PP2D1: variants seen among roughly 807,000 people sequenced by gnomAD.
PP2D1 encodes protein phosphatase 2C-like domain-containing protein 1.
A neutral mutation model predicts 30.2 loss-of-function variants in PP2D1; 25 were observed. The ratio of observed to expected loss-of-function variants is 0.83; its 90% CI spans 0.60 to 1.16. The LOEUF (loss-of-function observed/expected upper bound fraction) is 1.16, where lower values mean the gene tolerates loss of function less well. Among genes scored for constraint, PP2D1 ranks in the 50% most tolerant of loss-of-function variants. The pLI, the probability that PP2D1 is intolerant of heterozygous loss-of-function variation, is 0.00. For synonymous variants in PP2D1, 260 were observed against 258.9 expected (o/e 1.00, Z -0.04); for missense variants, 760 against 742.4 (o/e 1.02, Z -0.28).
intron 2 of PP2D1, among the ~76,000 whole-genome samples, chr3:19,993,665 G>A (rs1169451658): frequency 2.0e-5 from 3 of 151,962 alleles, no homozygotes; most frequent in Non-Finnish European, 2.9e-5. Flanking sequence ...CCCTGAATCC[G>A]GGAGGTGGAG....
intron 2 of PP2D1, among the ~76,000 whole-genome samples, chr3:19,994,796 A>T (rs1230305991): frequency 6.6e-6 from 1 of 152,172 alleles, no homozygotes; most frequent in Non-Finnish European, 1.5e-5. Context: ...AGTATTCCAG[A>T]TATCTTTCGA....
chr3:19,981,595 C>T (rs1399185898), downstream of PP2D1, among the ~76,000 whole-genome samples: 2 of 149,492 alleles, frequency 1.3e-5, no homozygotes, highest in African/African-American at 2.5e-5. Context: ...GCCTGGGTGA[C>T]AGAGCGAGAC....
downstream of PP2D1, among the ~76,000 whole-genome samples, chr3:19,980,612 T>A (rs1352566665): frequency 1.3e-5 from 2 of 152,192 alleles, no homozygotes; most frequent in Non-Finnish European, 2.9e-5. Context: ...ATTTAAACAC[T>A]TAGGGAACAT....
At position 19,985,940 on chromosome 3, in the gene PP2D1, C is replaced by A; in HGVS notation, c.1333G>T (p.Asp445Tyr). 6.5e-7 allele frequency: 1 copy of A among 1,536,280 alleles called. No individual in the cohort carries two copies. The highest frequency in any genetic ancestry group is 8.7e-7 in the Non-Finnish European group (1 of 1,146,914). ...APQTISVPID[D>Y]LCQFLIVATN... ...GCTACAATAAGGAATTGACATAGGT[C>A]ATCTATAGGGACAGAAATAGTTTGA... Residue 445 changes from aspartate (D) to tyrosine (Y), a missense_variant, in exon 3 of 3, where the codon GAC (aspartate) becomes TAC (tyrosine). Transcript: ENST00000389050.
chr3:19,986,285 CAG>C, intron 2 of PP2D1, 103 bp from the exon 3 acceptor site: 1 of 793,610 alleles, frequency 1.3e-6, no homozygotes, highest in Admixed American at 3.3e-5. Context: ...CAATGCTAAA[CAG>C]AAAGCAGGCT....
intron 2 of PP2D1, among the ~76,000 whole-genome samples, chr3:19,991,204 A>G (rs1407608659): frequency 2.0e-5 from 3 of 152,186 alleles, no homozygotes; most frequent in Non-Finnish European, 2.9e-5. Flanking sequence ...GCCTTTTTAA[A>G]GTGGCATAGT....
intron 2 of PP2D1, among the ~76,000 whole-genome samples, chr3:19,999,135 A>C (rs1697219445): frequency 6.9e-6 from 1 of 144,836 alleles, no homozygotes; most frequent in African/African-American, 2.6e-5. Context: ...GCTGGAGTGC[A>C]GTGGCATGAT....
At chr3:19,988,028 G>T (rs1014226755) in intron 2 of PP2D1, among the ~76,000 whole-genome samples, 2 of 152,030 alleles carry the variant, frequency 1.3e-5, no homozygotes, top group African/African-American at 4.8e-5. Context: ...TCGTAAGCTG[G>T]GGTTGTATGT....
At chr3:20,000,888 TTG>T (rs1229688709) in intron 2 of PP2D1, 140 bp downstream of exon 2, 4 of 420,706 alleles carry the variant, frequency 9.5e-6, no homozygotes, top group African/African-American at 2.0e-5. Flanking sequence ...TGGTTATTTG[TTG>T]TTTCTTATAT....
downstream of PP2D1, among the ~76,000 whole-genome samples, chr3:19,982,763 TA>T (rs62910362): frequency 0.22 from 30,777 of 139,482 alleles, 3,671 homozygotes; most frequent in African/African-American, 0.36. Context: ...CCTTGTCTCT[TA>T]AAAAAAAAAA....
At chr3:19,984,030 G>GA (rs1430551516), downstream of PP2D1, 1 of 510,114 alleles carries the variant, frequency 2.0e-6, no homozygotes, top group Non-Finnish European at 3.6e-6. Flanking sequence ...CAACAATAGG[G>GA]AAAAATGAGA....
At chr3:19,999,186 TCTC>T (rs36049372) in intron 2 of PP2D1, among the ~76,000 whole-genome samples, 31,878 of 150,124 alleles carry the variant, frequency 0.21, 3,718 homozygotes, top group South Asian at 0.32. Context: ...TTCACACCAT[TCTC>T]CTGCCACAGC....
intron 2 of PP2D1, among the ~76,000 whole-genome samples, chr3:19,988,934 C>T (rs756904125): frequency 4.6e-5 from 7 of 151,704 alleles, no homozygotes; most frequent in East Asian, 1.9e-4. Flanking sequence ...TGCAGTAATA[C>T]GAAGTCACGC....
At chr3:19,996,966 C>T (rs1445608935) in intron 2 of PP2D1, 5 of 150,650 alleles carry the variant, frequency 3.3e-5, no homozygotes, top group African/African-American at 1.2e-4. Flanking sequence ...GGAGAAATAC[C>T]ATATGATAAC....
intron 2 of PP2D1, 176 bp downstream of exon 2, chr3:20,000,854 T>C (rs545220888): frequency 5.1e-6 from 2 of 395,488 alleles, no homozygotes; most frequent in South Asian, 2.8e-4. Flanking sequence ...ATTATTTTTG[T>C]GCCTGCAATC....
chr3:20,001,826 T>G lies in PP2D1; in HGVS notation c.294A>C (p.Arg98Ser). The change falls in exon 2 of 3, where the codon AGA becomes AGC. Residue 98 changes from arginine (R) to serine (S), a missense_variant. Coordinates refer to ENST00000389050, the MANE Select transcript of PP2D1 (RefSeq NM_001252657.2). ...LATLGFQWMG[R>S]KKPQPSVIAV... Reference sequence around the variant, plus strand: ...CAATCACTGAGGGCTGTGGTTTCTTTCTACCCATCCATTGGAAACCCAGCG... The same window carrying G: ...CAATCACTGAGGGCTGTGGTTTCTTGCTACCCATCCATTGGAAACCCAGCG... 3 of 1,535,468 alleles carry G rather than the reference T, an allele frequency of 2.0e-6. No homozygotes were observed. Among genetic ancestry groups the G allele is most frequent in the Non-Finnish European group, 2.6e-6 (3 of 1,146,656 alleles).
At chr3:19,996,828 G>A (rs1457908480) in intron 2 of PP2D1, 1 of 152,040 alleles carries the variant, frequency 6.6e-6, no homozygotes, top group East Asian at 1.9e-4. Context: ...CAGTATCATA[G>A]CCAGTGAGGT....
At chr3:19,986,832 C>T (rs755029377) in intron 2 of PP2D1, among the ~76,000 whole-genome samples, 4 of 151,982 alleles carry the variant, frequency 2.6e-5, no homozygotes, top group Non-Finnish European at 4.4e-5. Flanking sequence ...GTCAGGCGTT[C>T]GAGACCAGCC....
chr3:19,985,513 T>G lies in PP2D1; in HGVS notation c.1760A>C (p.Lys587Thr), dbSNP rs964196469. The change falls in exon 3 of 3, where the codon AAG becomes ACG. Residue 587 changes from lysine (K) to threonine (T), a missense_variant. Lys to Thr is a moderately conservative substitution (Grantham distance 78). Transcript: ENST00000389050. ...VATNEKESDTKSFYEGAAEYV... is the reference protein window; with the variant it reads ...VATNEKESDTTSFYEGAAEYV... Reference sequence around the variant, plus strand: ...CTCAGCTGCGCCTTCATAGAAACTCTTAGTGTCTGATTCTTTTTCATTTGT... The same window carrying G: ...CTCAGCTGCGCCTTCATAGAAACTCGTAGTGTCTGATTCTTTTTCATTTGT... The G allele has an allele frequency of 2.0e-6, 3 of 1,535,994 alleles. No homozygotes were observed. The highest frequency in any genetic ancestry group is 2.6e-6 in the Non-Finnish European group (3 of 1,146,864).
Sources: allele counts gnomAD v4.1 joint callset (sites outside exome capture counted in the v4.1 genomes callset), GRCh38; gene constraint gnomAD v4.1.1; transcripts MANE v1.5; gene names NCBI Gene and HGNC (gene_info 2026-07-23, HGNC 2026-07-21).